Variants in ENG observed in about 807,000 individuals in gnomAD.
ENG encodes the protein CD105 antigen.
Under a neutral mutation model 71.0 loss-of-function variants are expected in ENG, and 17 were observed. The observed-to-expected ratio is 0.24, with a 90% CI of 0.16 to 0.36. ENG has a LOEUF of 0.36. ENG is among the 10% of genes least tolerant of loss of function. The probability of loss-of-function intolerance (pLI) is 1.00; values close to 1 mark genes in which losing one functional copy is unlikely to be tolerated. For synonymous variants in ENG, 360 were observed against 366.9 expected, an observed-to-expected ratio of 0.98 and a Z score of 0.21; for missense variants, 749 against 868.3, an observed-to-expected ratio of 0.86 and a Z score of 1.73.
At chr9:127,817,059 T>G in intron 13 of ENG, 90 bp downstream of exon 13, 2 of 1,474,128 alleles carry the variant, frequency 1.4e-6, no homozygotes, top group Non-Finnish European at 1.9e-6. Flanking sequence ...CCATGTGCTA[T>G]GTGCCCAGGC....
At chr9:127,842,945 CT>C in intron 2 of ENG, 148 bp downstream of exon 2, 2 of 1,304,960 alleles carry the variant, frequency 1.5e-6, no homozygotes. Flanking sequence ...CTTATGGGCC[CT>C]GTGAGATGCC....
rs1194536029 is a variant in ENG at position 127,819,607 on chromosome 9, G to A, written c.1311+15C>T. On this transcript the variant is annotated intron_variant, in intron 10 of 14. Transcript: ENST00000373203. ...CCCTGGGCCAGGTGGGTTAGCACGTGACTGTCCATCTCACCCGCTGTGGTG... is the reference window on the plus strand; with the variant it reads ...CCCTGGGCCAGGTGGGTTAGCACGTAACTGTCCATCTCACCCGCTGTGGTG... The A allele has an allele frequency of 9.9e-6, 16 of 1,613,008 alleles. No individual in the cohort carries two copies. The highest frequency in any genetic ancestry group is 1.4e-5 in the Non-Finnish European group (16 of 1,179,858).
chr9:127,846,651 T>C lies in ENG; in HGVS notation c.68-3406A>G, dbSNP rs758333762. Reference sequence around the variant, plus strand: ...TTTATTTTGGGGCCTTTTCGAATCCTGGCCGCCCCCACCCCGCAGACGAGA... The same window carrying C: ...TTTATTTTGGGGCCTTTTCGAATCCCGGCCGCCCCCACCCCGCAGACGAGA... On this transcript the variant is annotated intron_variant, in intron 1 of 14. Coordinates refer to ENST00000373203, the MANE Select transcript of ENG (RefSeq NM_001114753.3). The surrounding 1 kb of genome is among the most constrained non-coding windows in gnomAD (Gnocchi z 5.5). Among the ~76,000 whole-genome samples, 3 of 152,178 alleles carry C rather than the reference T, an allele frequency of 2.0e-5. No individual in the cohort carries two copies. The highest frequency in any genetic ancestry group is 4.4e-5 in the Non-Finnish European group (3 of 68,022).
rs760682477 is a variant in ENG, at chr9:127,818,234, G to A, written c.1572C>T (p.Pro524=). Reference sequence around the variant, plus strand: ...GGAAGCTGAAGCGCGGGTCACCCTCGGGGCTTGGGGACAGCAGGCTCACAC... The same window carrying A: ...GGAAGCTGAAGCGCGGGTCACCCTCAGGGCTTGGGGACAGCAGGCTCACAC... ...GNCVSLLSPS[P]EGDPRFSFLL... Residue 524 remains proline, a synonymous_variant, in exon 12 of 15, where the codon CCC becomes CCT. Transcript: ENST00000373203. 32 of 1,614,078 alleles carry A rather than the reference G, an allele frequency of 2.0e-5. No individual in the cohort carries two copies. The Admixed American group carries it at 2.2e-4, about 11-fold the overall frequency.
At chr9:127,818,562 C>A in intron 11 of ENG, 154 bp downstream of exon 11, 1 of 1,367,238 alleles carries the variant, frequency 7.3e-7, no homozygotes. Context: ...TGTCCCTGAG[C>A]AATGCCTTCT....
rs746679633 is a variant in ENG at position 127,824,287 on chromosome 9, G to T, written c.1134+17C>A. The T allele has an allele frequency of 6.2e-7, 1 of 1,613,944 alleles. No homozygotes were observed. The highest frequency in any genetic ancestry group is 8.5e-7 in the Non-Finnish European group (1 of 1,179,976). On this transcript the variant is annotated intron_variant, in intron 8 of 14. Coordinates refer to ENST00000373203, the MANE Select transcript of ENG (RefSeq NM_001114753.3). Reference sequence around the variant, plus strand: ...TGTCCATGTCATCCTGAGCCAGAGGGGCAGGAGTTCCCTTACCGCAACAAG... The same window carrying T: ...TGTCCATGTCATCCTGAGCCAGAGGTGCAGGAGTTCCCTTACCGCAACAAG...
rs1830714197 is a variant in ENG, at chr9:127,829,724, T to C, written c.323A>G (p.His108Arg). ...CAGTGGGATTCCCAGGGCCTGGAGA[T>C]GCAGGAAGACACTGCTGTTTACACT... ...VLSVNSSVFL[H>R]LQALGIPLHL... The change falls in exon 3 of 15, where the codon CAT becomes CGT. Residue 108 changes from histidine to arginine, a missense_variant. Physicochemically the swap from His to Arg is conservative, Grantham distance 29. Coordinates refer to ENST00000373203, the MANE Select transcript of ENG (RefSeq NM_001114753.3). The C allele has an allele frequency of 6.2e-7, 1 of 1,614,000 alleles. No homozygotes were observed. The highest frequency in any genetic ancestry group is 1.3e-5 in the African/African-American group (1 of 74,922).
chr9:127,819,570 C>A (rs1288604162), intron 10 of ENG, 52 bp downstream of exon 10: 6 of 1,610,870 alleles, frequency 3.7e-6, no homozygotes, highest in Non-Finnish European at 5.1e-6. Context: ...GAGGCCCCGG[C>A]CCAGCAGCAG....
At chr9:127,847,692 C>T (rs1196082495) in intron 1 of ENG, among the ~76,000 whole-genome samples, 7 of 152,126 alleles carry the variant, frequency 4.6e-5, no homozygotes, top group Non-Finnish European at 1.0e-4. Flanking sequence ...TCAAGCAATC[C>T]ACCCATCTCA....
chr9:127,845,266 A>G (rs1444855496), intron 1 of ENG, among the ~76,000 whole-genome samples: 1 of 152,170 alleles, frequency 6.6e-6, no homozygotes, highest in Non-Finnish European at 1.5e-5. Context: ...CTGGAGCCTC[A>G]CCGGCCTCCT....
Position 127,815,411 on chromosome 9 carries a change from T to C in ENG, c.*271A>G. 3.7e-6 allele frequency: 2 copies of C among 533,632 alleles called. No individual in the cohort carries two copies. The highest frequency in any genetic ancestry group is 3.3e-5 in the East Asian group (1 of 30,560). 33.1% of individuals were successfully genotyped at this position (533,632 alleles called of 1,614,324 possible). A position where few individuals can be genotyped will look rare whatever the true frequency, so the allele number is the denominator to read the frequency against. ...TTCAAATGACAGGGACTTGGGTTTTTACAACAGCGTGGCAAGTGGTCTGTC... is the reference window on the plus strand; with the variant it reads ...TTCAAATGACAGGGACTTGGGTTTTCACAACAGCGTGGCAAGTGGTCTGTC... On this transcript the variant is annotated 3_prime_UTR_variant, in exon 15 of 15. Transcript: ENST00000373203.
chr9:127,823,123 A>G (rs963959223), intron 8 of ENG, among the ~76,000 whole-genome samples: 4 of 151,030 alleles, frequency 2.6e-5, no homozygotes, highest in Non-Finnish European at 4.4e-5. Flanking sequence ...TACAGGTGTG[A>G]GCCACTGTGC....
intron 8 of ENG, 118 bp from the exon 9 acceptor site, chr9:127,820,155 C>T: frequency 7.4e-7 from 1 of 1,357,694 alleles, no homozygotes; most frequent in Non-Finnish European, 9.9e-7. Flanking sequence ...TTCCCCTGCC[C>T]TGCTCCCTCT....
chr9:127,843,732 CATACATAT>C lies in ENG; in HGVS notation c.68-495_68-488del, dbSNP rs1210259832. On this transcript the variant is annotated intron_variant, in intron 1 of 14. Transcript: ENST00000373203. The stretch of plus-strand genomic sequence containing the variant: ...ATACATATATACACCCACACATCCA[CATACATAT>C]ATATATATATATATATTTTTTTTTT... Among the ~76,000 whole-genome samples the C allele has an allele frequency of 6.3e-3, 80 of 12,748 alleles. 4 individuals are homozygous for C. Among genetic ancestry groups the C allele is most frequent in the African/African-American group, 0.014 (59 of 4,122 alleles). The allele number at this position is 12,748 out of a possible 152,430, so 8.4% of individuals were successfully genotyped here. A position where few individuals can be genotyped will look rare whatever the true frequency, so the allele number is the denominator to read the frequency against.
In ENG at chr9:127,815,654, C is replaced by T. The variant is rs754604303; in HGVS notation, c.*28G>A. ...CCCAGCTGGCGGCTGCTCAGTCTCT[C>T]CTGCTGGGCGAGCGCGGGGGGCCGG... On this transcript the variant is annotated 3_prime_UTR_variant, in exon 15 of 15. Coordinates refer to ENST00000373203, the MANE Select transcript of ENG (RefSeq NM_001114753.3). 1.9e-6 allele frequency: 3 copies of T among 1,546,232 alleles called. No individual in the cohort carries two copies. Among genetic ancestry groups the T allele is most frequent in the South Asian group, 2.4e-5 (2 of 84,478 alleles).
intron 3 of ENG, among the ~76,000 whole-genome samples, chr9:127,828,441 C>T (rs931561366): frequency 2.0e-5 from 3 of 152,180 alleles, no homozygotes; most frequent in Non-Finnish European, 4.4e-5. Context: ...CCAGGGAGCC[C>T]GCTCGGGAAG....
At chr9:127,834,553 T>C (rs547949657) in intron 2 of ENG, among the ~76,000 whole-genome samples, 7 of 152,292 alleles carry the variant, frequency 4.6e-5, no homozygotes, top group African/African-American at 1.7e-4. Flanking sequence ...TACAGGCACC[T>C]GCCACTGCGC....
At chr9:127,823,869 C>G (rs1830534548) in intron 8 of ENG, among the ~76,000 whole-genome samples, 1 of 151,676 alleles carries the variant, frequency 6.6e-6, no homozygotes, top group Admixed American at 6.6e-5. Context: ...TTAGTAAAGA[C>G]AGGGTTTCAC....
Position 127,843,036 on chromosome 9 carries a change from C to T in ENG, c.219+58G>A, listed in dbSNP as rs906058061. The T allele has an allele frequency of 3.7e-6, 6 of 1,611,532 alleles. No homozygotes were observed. In the African/African-American group the frequency reaches 8.0e-5, roughly 22 times the overall value. On this transcript the variant is annotated intron_variant, in intron 2 of 14. Transcript: ENST00000373203. ...CAGCCACAAGGAAGGCACCCCTCACCCCATCTGCCTTGGAGCTTCCTCTGA... is the reference window on the plus strand; with the variant it reads ...CAGCCACAAGGAAGGCACCCCTCACTCCATCTGCCTTGGAGCTTCCTCTGA...
Sources: gnomAD v4.1 joint callset for allele counts (sites outside exome capture counted in the v4.1 genomes callset) on GRCh38, gnomAD v4.1.1 for gene constraint, Gnocchi (gnomAD v3.1) non-coding constraint, MANE v1.5 for transcripts, NCBI Gene and HGNC (gene_info 2026-07-23, HGNC 2026-07-21) for gene names.